The following CCDC152 variants were observed in gnomAD, a reference collection of about 807,000 sequenced individuals.
The protein encoded by CCDC152 is coiled-coil domain containing 152.
Under a neutral mutation model 38.1 loss-of-function variants are expected in CCDC152, and 37 were observed. That is an observed-to-expected ratio of 0.97 (90% CI 0.75 to 1.28). The LOEUF is 1.28. Among genes scored for constraint, CCDC152 ranks in the 50% most tolerant of loss-of-function variants. The pLI is 0.00. For missense variants in CCDC152, 259 were observed against 292.1 expected, an observed-to-expected ratio of 0.89 and a Z score of 0.83; for synonymous variants, 83 against 87.1, an observed-to-expected ratio of 0.95 and a Z score of 0.26.
intron 4 of CCDC152, among the ~76,000 whole-genome samples, chr5:42,772,629 T>G (rs1379563943): frequency 7.4e-6 from 1 of 135,516 alleles, no homozygotes; most frequent in African/African-American, 2.8e-5. Context: ...CCAGCCTGGC[T>G]GCAGAACGAG....
At chr5:42,777,811 A>G (rs1210163922) in intron 4 of CCDC152, among the ~76,000 whole-genome samples, 1 of 152,110 alleles carries the variant, frequency 6.6e-6, no homozygotes, top group Non-Finnish European at 1.5e-5. Context: ...TTCCTAAAGC[A>G]TTGTTCAGAT....
At chr5:42,798,034 C>T (rs1380869892) in intron 7 of CCDC152, among the ~76,000 whole-genome samples, 1 of 152,142 alleles carries the variant, frequency 6.6e-6, no homozygotes, top group Middle Eastern at 3.2e-3. Flanking sequence ...TGCCTGTTAT[C>T]CAGCTACTCA....
rs1009698663 is a variant in CCDC152 at position 42,769,450 on chromosome 5, G to A, written c.194-147G>A. The A allele has an allele frequency of 8.6e-6, 8 of 926,710 alleles. No homozygotes were observed. The South Asian group carries it at 1.3e-4, about 15-fold the overall frequency. The allele number at this position is 926,710 out of a possible 1,614,324, so 57.4% of individuals were successfully genotyped here. On this transcript the variant is annotated intron_variant, in intron 3 of 8. Coordinates refer to ENST00000361970, the MANE Select transcript of CCDC152 (RefSeq NM_001134848.2). ...ACTCTTGGGTTCAAGTGATCCTCCT[G>A]CCTCAGCCTCTTGAGTCAATAGGAC...
In CCDC152 at chr5:42,801,387, G is replaced by T. The variant is rs181104358; in HGVS notation, c.*1606G>T. 2 of 1,291,622 alleles carry T rather than the reference G, an allele frequency of 1.5e-6. No individual in the cohort carries two copies. The highest frequency in any genetic ancestry group is 1.5e-5 in the African/African-American group (1 of 67,404). 80.0% of individuals were successfully genotyped at this position (1,291,622 alleles called of 1,614,324 possible). On this transcript the variant is annotated 3_prime_UTR_variant, in exon 9 of 9. Transcript: ENST00000361970. Reference sequence around the variant, plus strand: ...AAGCTTATAGAGATAGGAATAATGCGTGAAAAATGATTTGTAGAGCTAACA... The same window carrying T: ...AAGCTTATAGAGATAGGAATAATGCTTGAAAAATGATTTGTAGAGCTAACA...
chr5:42,778,670 TCTC>T (rs146219609), intron 4 of CCDC152, among the ~76,000 whole-genome samples: 2,715 of 152,170 alleles, frequency 0.018, 140 homozygotes, highest in South Asian at 0.18. Context: ...AAATAATAAT[TCTC>T]CTCATTGCTT....
In CCDC152 at chr5:42,800,962, A is replaced by G; in HGVS notation, c.*1181A>G. ...TCAAATATCAGATGTCGACAATGGCAGCATCAGCTCCTAGGAGCCAACTCT... is the reference window on the plus strand; with the variant it reads ...TCAAATATCAGATGTCGACAATGGCGGCATCAGCTCCTAGGAGCCAACTCT... On this transcript the variant is annotated 3_prime_UTR_variant, in exon 9 of 9. Transcript: ENST00000361970. 1 of 1,614,264 alleles carries G rather than the reference A, an allele frequency of 6.2e-7. No homozygotes were observed. The highest frequency in any genetic ancestry group is 8.5e-7 in the Non-Finnish European group (1 of 1,180,050).
chr5:42,799,538 T>C, intron 8 of CCDC152, 80 bp downstream of exon 8: 3 of 1,177,608 alleles, frequency 2.5e-6, no homozygotes, highest in Non-Finnish European at 2.4e-6. Flanking sequence ...CTAATTCTTA[T>C]TAACAATATA....
intron 7 of CCDC152, among the ~76,000 whole-genome samples, chr5:42,797,423 T>G (rs1760090036): frequency 6.6e-6 from 1 of 152,352 alleles, no homozygotes; most frequent in Non-Finnish European, 1.5e-5. Context: ...GGGTAGATAT[T>G]TTCTTCTAAC....
chr5:42,765,368 C>T (rs1048151826), intron 3 of CCDC152, among the ~76,000 whole-genome samples: 5 of 152,044 alleles, frequency 3.3e-5, no homozygotes, highest in African/African-American at 1.2e-4. Context: ...CAATGCAATG[C>T]CTATCAAAAT....
At chr5:42,781,023 A>T (rs1467895785) in intron 5 of CCDC152, among the ~76,000 whole-genome samples, 2 of 152,218 alleles carry the variant, frequency 1.3e-5, no homozygotes, top group Non-Finnish European at 2.9e-5. Flanking sequence ...CTCAACCCAG[A>T]TAGAATAGTC....
intron 6 of CCDC152, among the ~76,000 whole-genome samples, chr5:42,796,460 A>G (rs1760077081): frequency 6.6e-6 from 1 of 152,202 alleles, no homozygotes. Flanking sequence ...CATATGGAAT[A>G]GTATAGCAGG....
At chr5:42,778,197 A>G (rs2111561144) in intron 4 of CCDC152, among the ~76,000 whole-genome samples, 1 of 152,316 alleles carries the variant, frequency 6.6e-6, no homozygotes, top group South Asian at 2.1e-4. Context: ...TCCATATTCT[A>G]GTGACATCTG....
intron 3 of CCDC152, among the ~76,000 whole-genome samples, chr5:42,769,181 G>A (rs542011217): frequency 5.3e-5 from 8 of 152,080 alleles, no homozygotes; most frequent in South Asian, 2.1e-4. Context: ...CCTGGGAGGC[G>A]GAGGTTGCGT....
chr5:42,796,317 C>T (rs1175928277), intron 6 of CCDC152, among the ~76,000 whole-genome samples: 2 of 150,510 alleles, frequency 1.3e-5, no homozygotes, highest in African/African-American at 4.9e-5. Flanking sequence ...TCTCCTTTCT[C>T]GTTAAAAATA....
At chr5:42,781,435 T>C (rs1465798108) in intron 5 of CCDC152, among the ~76,000 whole-genome samples, 1 of 152,114 alleles carries the variant, frequency 6.6e-6, no homozygotes, top group Non-Finnish European at 1.5e-5. Context: ...GTATGCCAAT[T>C]TTTAATTGTG....
Position 42,800,800 on chromosome 5 carries a change from GAC to G in CCDC152, c.*1020_*1021del. On this transcript the variant is annotated 3_prime_UTR_variant, in exon 9 of 9. Coordinates refer to ENST00000361970, the MANE Select transcript of CCDC152 (RefSeq NM_001134848.2). The stretch of plus-strand genomic sequence containing the variant: ...CTGGCTTCTGTGGGTATAAGCTGCT[GAC>G]TTATTTGTCAGGCAGCTGGAGGCAA... The G allele has an allele frequency of 6.2e-7, 1 of 1,614,206 alleles. No homozygotes were observed. The highest frequency in any genetic ancestry group is 1.1e-5 in the South Asian group (1 of 91,084).
chr5:42,796,775 A>G lies in CCDC152; in HGVS notation c.431-54A>G, dbSNP rs972616046. The G allele has an allele frequency of 3.5e-6, 4 of 1,156,434 alleles. No individual in the cohort carries two copies. The Admixed American group carries it at 1.1e-4, about 31-fold the overall frequency. The allele number at this position is 1,156,434 out of a possible 1,614,324, so 71.6% of individuals were successfully genotyped here. A position where few individuals can be genotyped will look rare whatever the true frequency, so the allele number is the denominator to read the frequency against. ...TAAAACACTAAAGAAATACAAACTTATAATAATTTTGAAATTTTTAACAAA... is the reference window on the plus strand; with the variant it reads ...TAAAACACTAAAGAAATACAAACTTGTAATAATTTTGAAATTTTTAACAAA... On this transcript the variant is annotated intron_variant, in intron 6 of 8. Coordinates refer to ENST00000361970, the MANE Select transcript of CCDC152 (RefSeq NM_001134848.2).
intron 3 of CCDC152, 150 bp downstream of exon 3, chr5:42,762,698 C>A: frequency 3.3e-6 from 2 of 598,364 alleles, no homozygotes; most frequent in African/African-American, 3.8e-5. Context: ...TTACTATAGC[C>A]CTGAAAGACA....
intron 6 of CCDC152, among the ~76,000 whole-genome samples, chr5:42,784,249 C>T (rs548291251): frequency 6.6e-6 from 1 of 152,216 alleles, no homozygotes; most frequent in East Asian, 1.9e-4. Context: ...TCCCTGACAA[C>T]ATCTGTTATT....
Sources: gnomAD v4.1 joint callset for allele counts (sites outside exome capture counted in the v4.1 genomes callset) on GRCh38, gnomAD v4.1.1 for gene constraint, MANE v1.5 for transcripts, NCBI Gene and HGNC (gene_info 2026-07-23, HGNC 2026-07-21) for gene names.